Variants in PIEZO2 observed in about 807,000 individuals in gnomAD.
The protein encoded by PIEZO2 is piezo-type mechanosensitive ion channel component 2.
Under a neutral mutation model 337.3 loss-of-function variants are expected in PIEZO2, and 172 were observed. The observed-to-expected ratio is 0.51, with a 90% confidence interval of 0.45 to 0.58. The LOEUF is 0.58. Ranked by LOEUF, PIEZO2 falls within the 20% of genes least tolerant of loss-of-function variation. PIEZO2 has a pLI of 0.00. For synonymous variants in PIEZO2, 1,251 were observed against 1,228.5 expected (o/e 1.02, Z -0.38); for missense variants, 3,028 against 3,391.3 (o/e 0.89, Z 2.66).
intron 1 of PIEZO2, among the ~76,000 whole-genome samples, chr18:11,144,222 C>CA (rs2040749433): frequency 6.6e-6 from 1 of 152,248 alleles, no homozygotes; most frequent in Admixed American, 6.5e-5. Context: ...ACAACATGCT[C>CA]ATGCCCGTCT....
chr18:10,762,625 G>C lies in PIEZO2; in HGVS notation c.3124C>G (p.Pro1042Ala). The change falls in exon 23 of 56, where the codon CCA becomes GCA. Residue 1042 changes from proline to alanine, a missense_variant and splice_region_variant. Around this residue, in one of 5 missense-constraint regions of PIEZO2, gnomAD observed 1,925 missense variants for 2,051.9 expected, o/e 0.94. Transcript: ENST00000674853. ...PENFSVNCSL[P>A]NENQTNIPFN... Reference sequence around the variant, plus strand: ...GGGATGTTTGTTTGATTTTCATTTGGCTAAAAAGAAGAGAAAATGGAGTAA... The same window carrying C: ...GGGATGTTTGTTTGATTTTCATTTGCCTAAAAAGAAGAGAAAATGGAGTAA... 5.9e-6 allele frequency: 9 copies of C among 1,535,442 alleles called. No homozygotes were observed. Among genetic ancestry groups the C allele is most frequent in the Non-Finnish European group, 7.0e-6 (8 of 1,146,386 alleles).
rs755887731 is a variant in PIEZO2, at chr18:10,673,605, T to C, written c.8162-732A>G. 1.3e-5 allele frequency among the ~76,000 whole-genome samples: 2 copies of C among 152,192 alleles called. No homozygotes were observed. The highest frequency in any genetic ancestry group is 6.5e-5 in the Admixed American group (1 of 15,280). The stretch of plus-strand genomic sequence containing the variant: ...AATATCGGGTCAGTGATTACTTTTA[T>C]TGGAGTTTAGGGTGAATGCAAAAGA... On this transcript the variant is annotated intron_variant, in intron 54 of 55. Transcript: ENST00000674853. This position sits in a 1 kb window ranked among gnomAD's most constrained non-coding sequence, Gnocchi z 4.8.
chr18:11,091,677 C>T (rs1381407648), intron 1 of PIEZO2, among the ~76,000 whole-genome samples: 1 of 152,088 alleles, frequency 6.6e-6, no homozygotes, highest in African/African-American at 2.4e-5. Context: ...AGATGCCAGC[C>T]CATGTCTGGC....
Position 10,724,822 on chromosome 18 carries a change from A to G in PIEZO2, c.5030-6563T>C. The stretch of plus-strand genomic sequence containing the variant: ...GCCTGAGCAGCAGTCGTTCTCACAG[A>G]TGCACCTGGGCCACGGCGGCCACAT... On this transcript the variant is annotated intron_variant, in intron 36 of 55. Coordinates refer to ENST00000674853, the MANE Select transcript of PIEZO2 (RefSeq NM_001378183.1). The surrounding 1 kb of genome is among the most constrained non-coding windows in gnomAD (Gnocchi z 5.8). The G allele has an allele frequency of 6.3e-7, 1 of 1,596,844 alleles. No individual in the cohort carries two copies.
At chr18:11,054,987 A>G (rs1007863770) in intron 2 of PIEZO2, among the ~76,000 whole-genome samples, 4 of 152,076 alleles carry the variant, frequency 2.6e-5, no homozygotes, top group African/African-American at 9.7e-5. Context: ...CGAGGAGGGC[A>G]GATCACGAGG....
chr18:11,021,301 A>C lies in PIEZO2; in HGVS notation c.161-41641T>G, dbSNP rs2036299558. Reference sequence around the variant, plus strand: ...CCAAACCGGTTTTCCATGGACCCAAAGTCAGTGTGGTGTTCTTACTTCCTG... The same window carrying C: ...CCAAACCGGTTTTCCATGGACCCAACGTCAGTGTGGTGTTCTTACTTCCTG... On this transcript the variant is annotated intron_variant, in intron 2 of 55. Coordinates refer to ENST00000674853, the MANE Select transcript of PIEZO2 (RefSeq NM_001378183.1). This position sits in a 1 kb window ranked among gnomAD's most constrained non-coding sequence, Gnocchi z 4.7. Among the ~76,000 whole-genome samples, 2 of 152,190 alleles carry C rather than the reference A, an allele frequency of 1.3e-5. No homozygotes were observed. The highest frequency in any genetic ancestry group is 4.8e-5 in the African/African-American group (2 of 41,462).
chr18:11,085,680 C>G (rs1210316889), intron 1 of PIEZO2, among the ~76,000 whole-genome samples: 1 of 152,104 alleles, frequency 6.6e-6, no homozygotes, highest in African/African-American at 2.4e-5. Flanking sequence ...TCCTGAGTCC[C>G]CTTCTCCCTT....
At chr18:11,013,628 G>C (rs992406239) in intron 2 of PIEZO2, among the ~76,000 whole-genome samples, 18 of 152,154 alleles carry the variant, frequency 1.2e-4, no homozygotes, top group Admixed American at 1.2e-3. Flanking sequence ...AGAGCAGATG[G>C]ACCAGCCGCT....
rs151075245 is a variant in PIEZO2 at position 11,088,819 on chromosome 18, C to G, written c.65-22597G>C. ...GAAGGGCATCTTAGTGCAACCCATA[C>G]AGGCCAGCCTCATAACTCACACCAA... On this transcript the variant is annotated intron_variant, in intron 1 of 55. Transcript: ENST00000674853. Among the ~76,000 whole-genome samples the G allele has an allele frequency of 1.5e-4, 23 of 152,332 alleles. No homozygotes were observed. The East Asian group carries it at 2.9e-3, about 19-fold the overall frequency.
intron 13 of PIEZO2, 108 bp from the exon 14 acceptor site, chr18:10,791,432 A>C: frequency 8.1e-7 from 1 of 1,230,862 alleles, no homozygotes; most frequent in Non-Finnish European, 1.1e-6. Context: ...ACAATAAATA[A>C]ACCTTTTTAT....
In PIEZO2 at chr18:11,125,269, C is replaced by A. The variant is rs2040151739; in HGVS notation, c.64+23256G>T. Among the ~76,000 whole-genome samples the A allele has an allele frequency of 6.6e-6, 1 of 152,126 alleles. No homozygotes were observed. Among genetic ancestry groups the A allele is most frequent in the South Asian group, 2.1e-4 (1 of 4,822 alleles). The stretch of plus-strand genomic sequence containing the variant: ...TATAAGCCCTCTTGAGCTGATAATT[C>A]AAAAAGTATGCGAATATGTTTTAAA... On this transcript the variant is annotated intron_variant, in intron 1 of 55. Coordinates refer to ENST00000674853, the MANE Select transcript of PIEZO2 (RefSeq NM_001378183.1). This position sits in a 1 kb window ranked among gnomAD's most constrained non-coding sequence, Gnocchi z 4.4.
chr18:10,779,522 T>A (rs1379445205), intron 18 of PIEZO2, among the ~76,000 whole-genome samples: 1 of 152,214 alleles, frequency 6.6e-6, no homozygotes, highest in Non-Finnish European at 1.5e-5. Flanking sequence ...CCTAGCTAGG[T>A]GATATGCATC....
rs761087961 is a variant in PIEZO2 at position 10,682,062 on chromosome 18, G to A, written c.7686+42C>T. On this transcript the variant is annotated intron_variant, in intron 50 of 55. Transcript: ENST00000674853. This position sits in a 1 kb window ranked among gnomAD's most constrained non-coding sequence, Gnocchi z 5.6. ...GACAGCTATCATAAAGGAATGTGGC[G>A]TGGGGCAAGGCTCTGGTAGGTGGGG... The A allele has an allele frequency of 2.9e-5, 43 of 1,490,764 alleles. 1 individual carries two copies. Among genetic ancestry groups the A allele is most frequent in the South Asian group, 7.6e-5 (6 of 78,624 alleles). 92.3% of individuals were successfully genotyped at this position (1,490,764 alleles called of 1,614,324 possible). A position where few individuals can be genotyped will look rare whatever the true frequency, so the allele number is the denominator to read the frequency against.
At chr18:10,786,136 C>T (rs2144126522) in intron 16 of PIEZO2, among the ~76,000 whole-genome samples, 1 of 152,326 alleles carries the variant, frequency 6.6e-6, no homozygotes, top group Non-Finnish European at 1.5e-5. Flanking sequence ...ACCAGCTCCT[C>T]AGCAAAGCCC....
At chr18:10,970,738 A>G (rs543348501) in intron 3 of PIEZO2, among the ~76,000 whole-genome samples, 1 of 151,984 alleles carries the variant, frequency 6.6e-6, no homozygotes, top group African/African-American at 2.4e-5. Flanking sequence ...CAGGAGAAAG[A>G]GGAAGGAAAG....
At chr18:10,809,472 G>T (rs9973186) in intron 7 of PIEZO2, among the ~76,000 whole-genome samples, 2,961 of 151,582 alleles carry the variant, frequency 0.02, 98 homozygotes, top group African/African-American at 0.069. Flanking sequence ...ATTTAACCAT[G>T]TTGGCCAGGA....
intron 1 of PIEZO2, among the ~76,000 whole-genome samples, chr18:11,117,958 C>T (rs914108964): frequency 1.3e-4 from 20 of 152,216 alleles, no homozygotes; most frequent in Non-Finnish European, 2.4e-4. Flanking sequence ...GCTTCTACTC[C>T]TTTGACTAAG....
chr18:11,050,894 GT>G (rs199847034), intron 2 of PIEZO2, among the ~76,000 whole-genome samples: 3,689 of 145,528 alleles, frequency 0.025, 53 homozygotes, highest in Middle Eastern at 0.065. Flanking sequence ...AATTTACCAG[GT>G]TTAAAAAAAA....
At chr18:11,044,636 C>T (rs1313306753) in intron 2 of PIEZO2, among the ~76,000 whole-genome samples, 1 of 152,180 alleles carries the variant, frequency 6.6e-6, no homozygotes, top group Admixed American at 6.5e-5. Context: ...GCCTCTGTGT[C>T]ACTACAAACC....
Sources: gnomAD v4.1 joint callset for allele counts (sites outside exome capture counted in the v4.1 genomes callset) on GRCh38, gnomAD v4.1.1 for gene constraint, gnomAD v4.1.1 regional missense constraint, Gnocchi (gnomAD v3.1) non-coding constraint, MANE v1.5 for transcripts, NCBI Gene and HGNC (gene_info 2026-07-23, HGNC 2026-07-21) for gene names.